Variants in NCKAP5 observed in about 807,000 individuals in gnomAD.
NCKAP5 encodes the protein nck-associated protein 5.
In NCKAP5, 92 loss-of-function variants were observed where a neutral mutation model predicts 167.0. That is an observed-to-expected ratio of 0.55 (90% CI 0.47 to 0.66). The LOEUF is 0.66. Ranked by LOEUF, NCKAP5 falls within the 30% of genes least tolerant of loss-of-function variation. The pLI is 0.00. For synonymous variants in NCKAP5, 891 were observed against 877.4 expected (o/e 1.02, Z -0.27); for missense variants, 2,378 against 2,315.0 (o/e 1.03, Z -0.56).
chr2:133,464,449 G>GT (rs940541380), intron 3 of NCKAP5, among the ~76,000 whole-genome samples: 1 of 94 alleles, frequency 0.011, no homozygotes, highest in Non-Finnish European at 0.023. Flanking sequence ...CCAGCCCTTT[G>GT]GGGGCCAAGG....
At chr2:133,379,056 G>A (rs1013132700) in intron 3 of NCKAP5, among the ~76,000 whole-genome samples, 16 of 152,106 alleles carry the variant, frequency 1.1e-4, no homozygotes, top group Admixed American at 3.3e-4. Context: ...GCACTGCCTC[G>A]TCAATAATGG....
At chr2:133,098,592 G>A (rs961447493) in intron 6 of NCKAP5, among the ~76,000 whole-genome samples, 6 of 152,058 alleles carry the variant, frequency 3.9e-5, no homozygotes, top group African/African-American at 1.4e-4. Context: ...TTATTAGTGA[G>A]TAAACATTAA....
chr2:133,000,355 C>T (rs2077737271), intron 6 of NCKAP5, among the ~76,000 whole-genome samples: 1 of 152,126 alleles, frequency 6.6e-6, no homozygotes, highest in African/African-American at 2.4e-5. Flanking sequence ...AGCATCCCTC[C>T]CTTACCCTAG....
the NCKAP5 span, among the ~76,000 whole-genome samples, chr2:133,583,364 TC>T: frequency 6.6e-6 from 1 of 152,018 alleles, no homozygotes; most frequent in Non-Finnish European, 1.5e-5. Context: ...GCATGGCACT[TC>T]CCCCTCATCC....
At chr2:133,468,490 G>T (rs1189208352) in intron 3 of NCKAP5, among the ~76,000 whole-genome samples, 2 of 151,592 alleles carry the variant, frequency 1.3e-5, no homozygotes, top group Admixed American at 6.6e-5. Flanking sequence ...ATATTCTGTT[G>T]ATTTGGGGTG....
chr2:133,510,806 A>T (rs1475670535), intron 3 of NCKAP5, among the ~76,000 whole-genome samples: 1 of 152,230 alleles, frequency 6.6e-6, no homozygotes, highest in Non-Finnish European at 1.5e-5. Context: ...ACCTAAAGTG[A>T]AATCCCAACT....
chr2:133,154,283 T>G (rs1224511675), intron 5 of NCKAP5, among the ~76,000 whole-genome samples: 1 of 152,198 alleles, frequency 6.6e-6, no homozygotes, highest in Non-Finnish European at 1.5e-5. Context: ...TCACATGCTG[T>G]GATTATGTAA....
At chr2:133,591,135 G>A in the NCKAP5 span, among the ~76,000 whole-genome samples, 18 of 152,164 alleles carry the variant, frequency 1.2e-4, no homozygotes, top group Admixed American at 4.6e-4. Context: ...CAGTGAGTGC[G>A]GGGAGAGGGA....
intron 4 of NCKAP5, among the ~76,000 whole-genome samples, chr2:133,254,054 A>G (rs927644405): frequency 6.6e-6 from 1 of 152,190 alleles, no homozygotes; most frequent in African/African-American, 2.4e-5. Flanking sequence ...AAAATTTTAG[A>G]TGATGATAAC....
intron 11 of NCKAP5, among the ~76,000 whole-genome samples, chr2:132,859,679 A>G (rs1369452405): frequency 1.3e-5 from 2 of 152,216 alleles, no homozygotes; most frequent in Non-Finnish European, 2.9e-5. Flanking sequence ...CCCTTTGCAC[A>G]TTGCACACTG....
At chr2:133,078,538 G>A (rs13404423) in intron 6 of NCKAP5, among the ~76,000 whole-genome samples, 1,558 of 152,194 alleles carry the variant, frequency 0.01, 32 homozygotes, top group African/African-American at 0.036. Flanking sequence ...AGGGAAATAC[G>A]GGACTGGGGT....
At chr2:133,226,473 C>T (rs999342589) in intron 4 of NCKAP5, among the ~76,000 whole-genome samples, 2 of 151,934 alleles carry the variant, frequency 1.3e-5, no homozygotes, top group African/African-American at 4.8e-5. Context: ...GAAGTCCTAA[C>T]CCCCAGTACT....
intron 3 of NCKAP5, among the ~76,000 whole-genome samples, chr2:133,305,141 G>T (rs1319293682): frequency 6.6e-6 from 1 of 152,210 alleles, no homozygotes; most frequent in Admixed American, 6.5e-5. Context: ...AAGTTGGACA[G>T]TTAGGCAGGA....
chr2:133,027,285 C>A (rs1175495942), intron 6 of NCKAP5, among the ~76,000 whole-genome samples: 1 of 152,178 alleles, frequency 6.6e-6, no homozygotes, highest in African/African-American at 2.4e-5. Flanking sequence ...ATACCCTCGT[C>A]TCTTCTTTTC....
chr2:132,919,550 C>A (rs1351952869), intron 8 of NCKAP5, among the ~76,000 whole-genome samples: 2 of 152,096 alleles, frequency 1.3e-5, no homozygotes, highest in Non-Finnish European at 1.5e-5. Context: ...AGATTAAATA[C>A]ACAACATTTG....
At chr2:133,464,486 G>A (rs1016331122) in intron 3 of NCKAP5, among the ~76,000 whole-genome samples, 4 of 152,156 alleles carry the variant, frequency 2.6e-5, no homozygotes, top group Non-Finnish European at 4.4e-5. Context: ...TCAGGAGATT[G>A]AGACCATCCC....
intron 8 of NCKAP5, among the ~76,000 whole-genome samples, chr2:132,925,390 TA>T: frequency 6.9e-6 from 1 of 143,982 alleles, no homozygotes; most frequent in African/African-American, 2.6e-5. Context: ...TCATCTCTAC[TA>T]AAAGTACAAA....
the NCKAP5 span, among the ~76,000 whole-genome samples, chr2:133,653,785 C>T: frequency 2.6e-5 from 4 of 152,166 alleles, no homozygotes; most frequent in Non-Finnish European, 5.9e-5. Flanking sequence ...AAATAAAATG[C>T]TTCTGTGGAA....
intron 6 of NCKAP5, among the ~76,000 whole-genome samples, chr2:133,073,226 C>A (rs2080480802): frequency 6.7e-6 from 1 of 149,928 alleles, no homozygotes; most frequent in African/African-American, 2.4e-5. Flanking sequence ...ACAGGGAAAT[C>A]TTTTTTTTTT....
Sources: gnomAD v4.1 joint callset for allele counts (sites outside exome capture counted in the v4.1 genomes callset) on GRCh38, gnomAD v4.1.1 for gene constraint, MANE v1.5 for transcripts, NCBI Gene and HGNC (gene_info 2026-07-23, HGNC 2026-07-21) for gene names.